PDE12: variants seen among roughly 807,000 people sequenced by gnomAD.
PDE12 encodes 2',5'-phosphodiesterase 12.
A neutral mutation model predicts 45.4 loss-of-function variants in PDE12; 26 were observed. The ratio of observed to expected loss-of-function variants is 0.57; its 90% CI spans 0.42 to 0.79. The LOEUF (loss-of-function observed/expected upper bound fraction) is 0.79, where lower values mean the gene tolerates loss of function less well. Among genes scored for constraint, PDE12 ranks in the 30% least tolerant of loss-of-function variants. The probability of loss-of-function intolerance (pLI) is 0.00; values close to 1 mark genes in which losing one functional copy is unlikely to be tolerated. For missense variants in PDE12, 668 were observed against 790.0 expected, an observed-to-expected ratio of 0.85 and a Z score of 1.85; for synonymous variants, 283 against 323.9, an observed-to-expected ratio of 0.87 and a Z score of 1.36.
chr3:57,624,281 G>A, the PDE12 span, among the ~76,000 whole-genome samples: 1 of 151,894 alleles, frequency 6.6e-6, no homozygotes, highest in African/African-American at 2.4e-5. Flanking sequence ...CTCCCCAGTA[G>A]CTACGAATAC....
At chr3:57,573,635 C>T in the PDE12 span, among the ~76,000 whole-genome samples, 1 of 152,204 alleles carries the variant, frequency 6.6e-6, no homozygotes, top group Non-Finnish European at 1.5e-5. Flanking sequence ...GACTGGAGTG[C>T]AGTGGCGTGA....
chr3:57,607,100 T>C, the PDE12 span, among the ~76,000 whole-genome samples: 5 of 152,154 alleles, frequency 3.3e-5, no homozygotes, highest in Non-Finnish European at 7.3e-5. Context: ...ATATTCATGG[T>C]TCTGCAGCCT....
At position 57,561,814 on chromosome 3, in the gene PDE12, A is replaced by G. The variant is rs1243216266; in HGVS notation, c.*1810A>G. 2.0e-6 allele frequency: 2 copies of G among 984,998 alleles called. No individual in the cohort carries two copies. Among genetic ancestry groups the G allele is most frequent in the African/African-American group, 1.7e-5 (1 of 57,366 alleles). 61.0% of individuals were successfully genotyped at this position (984,998 alleles called of 1,614,324 possible). Reference sequence around the variant, plus strand: ...ACTATCAAATGTATTGTTAACACTTAGTAAGTTTGAAAATGAAGGGGTTTT... The same window carrying G: ...ACTATCAAATGTATTGTTAACACTTGGTAAGTTTGAAAATGAAGGGGTTTT... On this transcript the variant is annotated 3_prime_UTR_variant, in exon 3 of 3. Coordinates refer to ENST00000311180, the MANE Select transcript of PDE12 (RefSeq NM_177966.7).
chr3:57,642,246 G>A, the PDE12 span, among the ~76,000 whole-genome samples: 4 of 150,828 alleles, frequency 2.7e-5, no homozygotes, highest in African/African-American at 4.9e-5. Flanking sequence ...ACCAGGAGGC[G>A]GAGGTTGCAG....
the PDE12 span, among the ~76,000 whole-genome samples, chr3:57,601,360 C>T: frequency 5.3e-5 from 8 of 152,050 alleles, no homozygotes; most frequent in Admixed American, 6.6e-5. Flanking sequence ...CCACCCACCT[C>T]GGCCTCCCAA....
the PDE12 span, among the ~76,000 whole-genome samples, chr3:57,614,467 G>A: frequency 5.3e-5 from 8 of 149,852 alleles, no homozygotes; most frequent in African/African-American, 7.4e-5. Flanking sequence ...CCTGGATCAA[G>A]AAGTCATTAT....
chr3:57,655,985 T>C, the PDE12 span, among the ~76,000 whole-genome samples: 1 of 152,240 alleles, frequency 6.6e-6, no homozygotes, highest in East Asian at 1.9e-4. Context: ...TTCTTCTTAG[T>C]ATATTTTGCC....
the PDE12 span, chr3:57,633,385 T>A: frequency 6.4e-7 from 1 of 1,550,656 alleles, no homozygotes. Context: ...GAATCTGTAT[T>A]CTAGTGTTGG....
chr3:57,646,207 A>G, the PDE12 span: 1 of 1,444,274 alleles, frequency 6.9e-7, no homozygotes, highest in Non-Finnish European at 9.3e-7. Flanking sequence ...CAATGCAATA[A>G]TGGGTGGGGA....
rs1254246823 is a variant in PDE12, at chr3:57,561,842, C to A, written c.*1838C>A. The A allele has an allele frequency of 2.0e-6, 2 of 985,184 alleles. No individual in the cohort carries two copies. Among genetic ancestry groups the A allele is most frequent in the African/African-American group, 1.7e-5 (1 of 57,230 alleles). 61.0% of individuals were successfully genotyped at this position (985,184 alleles called of 1,614,324 possible). ...AAGTTTGAAAATGAAGGGGTTTTAT[C>A]TGCATTTGACATTGAACCTTGAAGT... On this transcript the variant is annotated 3_prime_UTR_variant, in exon 3 of 3. Coordinates refer to ENST00000311180, the MANE Select transcript of PDE12 (RefSeq NM_177966.7).
the PDE12 span, among the ~76,000 whole-genome samples, chr3:57,610,169 T>C: frequency 6.6e-6 from 1 of 152,132 alleles, no homozygotes; most frequent in Non-Finnish European, 1.5e-5. Flanking sequence ...AAAAGGCCTT[T>C]AACAAAATTC....
At chr3:57,594,333 C>G in the PDE12 span, among the ~76,000 whole-genome samples, 1 of 152,162 alleles carries the variant, frequency 6.6e-6, no homozygotes, top group African/African-American at 2.4e-5. Context: ...TGTGATCCTC[C>G]CAACCTGGCC....
Position 57,562,198 on chromosome 3 carries a change from G to GA in PDE12, c.*2200dup. On this transcript the variant is annotated 3_prime_UTR_variant, in exon 3 of 3. Transcript: ENST00000311180. ...AAAGAAAAAATTCGAACATGCCCAT[G>GA]AAAAAAGCATACAGCTTCCACATTA... 1 of 759,322 alleles carries GA rather than the reference G, an allele frequency of 1.3e-6. No homozygotes were observed. Among genetic ancestry groups the GA allele is most frequent in the South Asian group, 6.0e-5 (1 of 16,652 alleles). The allele number at this position is 759,322 out of a possible 1,614,324, so 47.0% of individuals were successfully genotyped here.
At chr3:57,649,233 T>C in the PDE12 span, among the ~76,000 whole-genome samples, 1 of 152,000 alleles carries the variant, frequency 6.6e-6, no homozygotes, top group Non-Finnish European at 1.5e-5. Context: ...GATATACAAA[T>C]TGCCAACAAA....
At chr3:57,595,149 C>A in the PDE12 span, among the ~76,000 whole-genome samples, 14 of 152,252 alleles carry the variant, frequency 9.2e-5, no homozygotes, top group African/African-American at 3.4e-4. Flanking sequence ...AAATGCCTCC[C>A]AATATAGTAA....
chr3:57,593,204 C>A, the PDE12 span, among the ~76,000 whole-genome samples: 1 of 151,932 alleles, frequency 6.6e-6, no homozygotes, highest in Non-Finnish European at 1.5e-5. Context: ...GAGCAAAACC[C>A]TGTCTCAAAA....
the PDE12 span, among the ~76,000 whole-genome samples, chr3:57,605,772 A>G: frequency 6.6e-6 from 1 of 152,192 alleles, no homozygotes; most frequent in Non-Finnish European, 1.5e-5. Context: ...ACTGACAGAG[A>G]TGTTATTTTA....
In PDE12 at chr3:57,562,088, G is replaced by C; in HGVS notation, c.*2084G>C. The C allele has an allele frequency of 1.0e-6, 1 of 982,374 alleles. No homozygotes were observed. The highest frequency in any genetic ancestry group is 1.2e-6 in the Non-Finnish European group (1 of 827,390). The allele number at this position is 982,374 out of a possible 1,614,324, so 60.9% of individuals were successfully genotyped here. A position where few individuals can be genotyped will look rare whatever the true frequency, so the allele number is the denominator to read the frequency against. On this transcript the variant is annotated 3_prime_UTR_variant, in exon 3 of 3. Coordinates refer to ENST00000311180, the MANE Select transcript of PDE12 (RefSeq NM_177966.7). ...CATTTTAAAAATATGTTTTTGGGCT[G>C]TTTTCAAAGAAAGATGTTGATAGAA...
chr3:57,575,180 A>T, the PDE12 span, among the ~76,000 whole-genome samples: 1 of 152,106 alleles, frequency 6.6e-6, no homozygotes, highest in Non-Finnish European at 1.5e-5. Context: ...CAAGCAAACA[A>T]ACATTACTGG....
Sources: gnomAD v4.1 joint callset for allele counts (sites outside exome capture counted in the v4.1 genomes callset) on GRCh38, gnomAD v4.1.1 for gene constraint, MANE v1.5 for transcripts, NCBI Gene and HGNC (gene_info 2026-07-23, HGNC 2026-07-21) for gene names.